The following ATXN1 variants were observed in gnomAD, a reference collection of about 807,000 sequenced individuals.
The protein encoded by ATXN1 is ataxin-1.
ATXN1 carries 8 observed loss-of-function variants against 56.4 expected under a neutral mutation model. The observed-to-expected ratio is 0.14, with a 90% confidence interval of 0.08 to 0.26. The LOEUF is 0.26. ATXN1 is among the 10% of genes least tolerant of loss of function. The probability of loss-of-function intolerance (pLI) is 1.00; values close to 1 mark genes in which losing one functional copy is unlikely to be tolerated. For synonymous variants in ATXN1, 514 were observed against 494.6 expected, an observed-to-expected ratio of 1.04 and a Z score of -0.52; for missense variants, 987 against 1,106.5, an observed-to-expected ratio of 0.89 and a Z score of 1.53.
At chr6:16,729,594 C>T (rs562821251) in intron 2 of ATXN1, among the ~76,000 whole-genome samples, 2 of 152,108 alleles carry the variant, frequency 1.3e-5, no homozygotes, top group African/African-American at 4.8e-5. Context: ...AATGGCTTAA[C>T]CAGGGAGATG....
rs765326130 is a variant in ATXN1, at chr6:16,327,156, C to T, written c.1155G>A (p.Leu385=). ...CAGCTGCGGGCGTGTTGCTGTTGGG[C>T]AGGACCATCACAGAGGCCCGGACCC... is the stretch of plus-strand genomic sequence containing the variant. ...PSGVRASVMV[L]PNSNTPAADL... Residue 385 remains leucine, a synonymous_variant, in exon 7 of 8, where the codon CTG becomes CTA. Coordinates refer to ENST00000436367, the MANE Select transcript of ATXN1 (RefSeq NM_001128164.2). The T allele has an allele frequency of 1.9e-6, 3 of 1,613,636 alleles. No individual in the cohort carries two copies. Among genetic ancestry groups the T allele is most frequent in the African/African-American group, 1.3e-5 (1 of 74,944 alleles).
At chr6:16,754,511 G>A (rs1389729402) in intron 1 of ATXN1, 4 of 152,126 alleles carry the variant, frequency 2.6e-5, no homozygotes, top group Non-Finnish European at 1.5e-5. Flanking sequence ...ACACATCTCG[G>A]TACTCATGAT....
intron 6 of ATXN1, among the ~76,000 whole-genome samples, chr6:16,340,541 A>G (rs987290394): frequency 3.3e-5 from 5 of 152,108 alleles, no homozygotes; most frequent in Non-Finnish European, 5.9e-5. Flanking sequence ...TTTCCCTGTA[A>G]TAAGTATGAG....
intron 6 of ATXN1, among the ~76,000 whole-genome samples, chr6:16,332,307 G>A (rs1761010029): frequency 6.6e-6 from 1 of 152,120 alleles, no homozygotes; most frequent in Non-Finnish European, 1.5e-5. Flanking sequence ...GCCCCAGGAT[G>A]GCACCACATT....
chr6:16,478,780 T>A (rs1760378468), intron 6 of ATXN1, among the ~76,000 whole-genome samples: 1 of 151,914 alleles, frequency 6.6e-6, no homozygotes, highest in African/African-American at 2.4e-5. Flanking sequence ...AAAGGAAAAA[T>A]GAAATGAAGA....
At chr6:16,459,285 C>T (rs988230913) in intron 6 of ATXN1, among the ~76,000 whole-genome samples, 3 of 152,084 alleles carry the variant, frequency 2.0e-5, no homozygotes, top group African/African-American at 7.2e-5. Context: ...TTCGGAAAGG[C>T]AAAAAATGCC....
chr6:16,384,736 C>T (rs1758203058), intron 6 of ATXN1, among the ~76,000 whole-genome samples: 1 of 152,210 alleles, frequency 6.6e-6, no homozygotes, highest in Non-Finnish European at 1.5e-5. Context: ...CTGCTCCAGC[C>T]ACGTAGGACG....
In ATXN1 at chr6:16,352,141, G is replaced by C. The variant is rs573574213; in HGVS notation, c.-160-23671C>G. On this transcript the variant is annotated intron_variant, in intron 6 of 7. Transcript: ENST00000436367. ...CTGCTATAGTTTCGCGAATAATATA[G>C]TTTGCTTCTATTTTGCTCTGGTTAA... Among the ~76,000 whole-genome samples, 190 of 152,246 alleles carry C rather than the reference G, an allele frequency of 1.2e-3. 1 individual carries two copies. Among genetic ancestry groups the C allele is most frequent in the African/African-American group, 4.4e-3 (182 of 41,558 alleles).
In ATXN1 at chr6:16,614,215, G is replaced by A. The variant is rs1757690; in HGVS notation, c.-488-28308C>T. 5.6e-3 allele frequency among the ~76,000 whole-genome samples: 837 copies of A among 149,472 alleles called. 14 individuals carry two copies. The highest frequency in any genetic ancestry group is 0.019 in the African/African-American group (762 of 39,806). ...TCTTTTTGTCATCATCGCATCTTGA[G>A]AGTAGAGAGGAAGGGAATGGAAGGG... On this transcript the variant is annotated intron_variant, in intron 3 of 7. Coordinates refer to ENST00000436367, the MANE Select transcript of ATXN1 (RefSeq NM_001128164.2).
At chr6:16,531,294 G>T (rs1761499040) in intron 4 of ATXN1, among the ~76,000 whole-genome samples, 2 of 152,194 alleles carry the variant, frequency 1.3e-5, no homozygotes, top group Non-Finnish European at 2.9e-5. Context: ...AAATATCACA[G>T]AGGAAAGGCA....
intron 4 of ATXN1, among the ~76,000 whole-genome samples, chr6:16,532,948 C>T (rs970628430): frequency 6.6e-6 from 1 of 152,146 alleles, no homozygotes; most frequent in African/African-American, 2.4e-5. Context: ...TTCATAGCCA[C>T]ATAATTCACA....
intron 4 of ATXN1, among the ~76,000 whole-genome samples, chr6:16,564,282 G>A (rs1306025693): frequency 2.0e-5 from 3 of 151,082 alleles, no homozygotes; most frequent in Admixed American, 2.0e-4. Flanking sequence ...AGAGAGAGGA[G>A]GCCATCGTGA....
At chr6:16,348,692 C>T (rs1470125784) in intron 6 of ATXN1, among the ~76,000 whole-genome samples, 2 of 151,102 alleles carry the variant, frequency 1.3e-5, no homozygotes, top group African/African-American at 4.9e-5. Context: ...TGAAACTCTG[C>T]CTTAGAAAAA....
At chr6:16,521,978 G>T (rs116676668) in intron 5 of ATXN1, among the ~76,000 whole-genome samples, 1 of 152,196 alleles carries the variant, frequency 6.6e-6, no homozygotes, top group Non-Finnish European at 1.5e-5. Context: ...ATCATTATTA[G>T]ATTACCAAGA....
chr6:16,368,872 G>C (rs1180252600), intron 6 of ATXN1, among the ~76,000 whole-genome samples: 1 of 152,024 alleles, frequency 6.6e-6, no homozygotes, highest in Non-Finnish European at 1.5e-5. Context: ...TTCAAATTTG[G>C]GTGAAAAGTC....
chr6:16,477,806 G>A (rs1470872773), intron 6 of ATXN1, among the ~76,000 whole-genome samples: 7 of 152,136 alleles, frequency 4.6e-5, no homozygotes, highest in Non-Finnish European at 8.8e-5. Context: ...GTTATTCTCC[G>A]TGGGATTCTA....
chr6:16,613,659 C>CA (rs1054777349), intron 3 of ATXN1, among the ~76,000 whole-genome samples: 5 of 151,538 alleles, frequency 3.3e-5, no homozygotes, highest in Non-Finnish European at 7.4e-5. Context: ...CCCATCTCTA[C>CA]AAAAAAGTTA....
At chr6:16,744,456 C>G (rs1144700) in intron 2 of ATXN1, among the ~76,000 whole-genome samples, 1 of 151,832 alleles carries the variant, frequency 6.6e-6, no homozygotes, top group Non-Finnish European at 1.5e-5. Context: ...ACTGATCTCT[C>G]TAGGCCCTAG....
chr6:16,417,597 C>T (rs947652479), intron 6 of ATXN1, among the ~76,000 whole-genome samples: 6 of 152,018 alleles, frequency 3.9e-5, no homozygotes, highest in Non-Finnish European at 8.8e-5. Context: ...CACCACCATA[C>T]CTGGCTAATT....
Sources: gnomAD v4.1 joint callset for allele counts (sites outside exome capture counted in the v4.1 genomes callset) on GRCh38, gnomAD v4.1.1 for gene constraint, MANE v1.5 for transcripts, NCBI Gene and HGNC (gene_info 2026-07-23, HGNC 2026-07-21) for gene names.